LARP1: variants seen among roughly 807,000 people sequenced by gnomAD.
LARP1 encodes the protein la-related protein 1.
A neutral mutation model predicts 122.7 loss-of-function variants in LARP1; 36 were observed. The observed-to-expected ratio is 0.29, with a 90% CI of 0.22 to 0.39. The LOEUF (loss-of-function observed/expected upper bound fraction) is 0.39. Among genes scored for constraint, LARP1 ranks in the 10% least tolerant of loss-of-function variants. LARP1 has a pLI of 1.00. For missense variants in LARP1, 1,040 were observed against 1,403.6 expected (o/e 0.74, Z 4.14); for synonymous variants, 539 against 528.7 (o/e 1.02, Z -0.27).
chr5:154,790,758 A>G, intron 3 of LARP1, 48 bp downstream of exon 3: 1 of 1,523,200 alleles, frequency 6.6e-7, no homozygotes, highest in East Asian at 2.2e-5. Flanking sequence ...CTTGACATAC[A>G]CACATTTAGC....
At chr5:154,769,238 C>T (rs1409584691) in intron 1 of LARP1, among the ~76,000 whole-genome samples, 1 of 152,248 alleles carries the variant, frequency 6.6e-6, no homozygotes, top group Admixed American at 6.5e-5. Context: ...CTCTGGACCT[C>T]TCATGACTGC....
chr5:154,801,787 A>G (rs895408160), intron 10 of LARP1, among the ~76,000 whole-genome samples: 2 of 152,228 alleles, frequency 1.3e-5, no homozygotes, highest in African/African-American at 4.8e-5. Context: ...TGACTGTGAT[A>G]TGAGCTGTGA....
chr5:154,720,060 A>G (rs1457878437), intron 1 of LARP1, among the ~76,000 whole-genome samples: 1 of 151,942 alleles, frequency 6.6e-6, no homozygotes, highest in Non-Finnish European at 1.5e-5. Context: ...GCGTGATGGC[A>G]TGTGCCTGTA....
chr5:154,776,496 T>G (rs985577423), intron 1 of LARP1, among the ~76,000 whole-genome samples: 1 of 152,208 alleles, frequency 6.6e-6, no homozygotes, highest in African/African-American at 2.4e-5. Context: ...TGTAAACCAA[T>G]TAAGTCCTGT....
chr5:154,766,464 G>T (rs1396881437), intron 1 of LARP1, among the ~76,000 whole-genome samples: 1 of 152,220 alleles, frequency 6.6e-6, no homozygotes, highest in Non-Finnish European at 1.5e-5. Flanking sequence ...GTAGAGAGTG[G>T]CCGAGGTTTA....
chr5:154,792,418 G>T (rs1305980208), intron 3 of LARP1, among the ~76,000 whole-genome samples: 1 of 152,212 alleles, frequency 6.6e-6, no homozygotes, highest in African/African-American at 2.4e-5. Context: ...GGAGAGATAA[G>T]TTGCCTTCCC....
intron 1 of LARP1, among the ~76,000 whole-genome samples, chr5:154,693,373 A>G (rs1385041035): frequency 1.3e-5 from 2 of 152,158 alleles, no homozygotes; most frequent in East Asian, 3.9e-4. Context: ...TCTAAAGACA[A>G]AAAAAGAATA....
intron 1 of LARP1, among the ~76,000 whole-genome samples, chr5:154,700,828 G>A (rs1048924846): frequency 6.6e-6 from 1 of 152,056 alleles, no homozygotes; most frequent in Non-Finnish European, 1.5e-5. Context: ...GTGGTGGCAC[G>A]TGCCTGTAAT....
At chr5:154,706,322 T>TAA (rs1198921293) in intron 1 of LARP1, among the ~76,000 whole-genome samples, 44 of 149,262 alleles carry the variant, frequency 2.9e-4, no homozygotes, top group African/African-American at 1.0e-3. Context: ...ATAATAATAA[T>TAA]AATAATAATA....
chr5:154,754,792 G>C (rs559299619), upstream of LARP1, among the ~76,000 whole-genome samples: 8 of 152,188 alleles, frequency 5.3e-5, no homozygotes, highest in Non-Finnish European at 5.9e-5. Context: ...GGTCACCCGG[G>C]CGGGGACCGA....
At chr5:154,722,763 A>T (rs1017072423) in intron 1 of LARP1, among the ~76,000 whole-genome samples, 3 of 147,382 alleles carry the variant, frequency 2.0e-5, no homozygotes, top group Non-Finnish European at 4.4e-5. Context: ...TCACTGCAAC[A>T]TCTGCCTCCC....
intron 10 of LARP1, among the ~76,000 whole-genome samples, chr5:154,801,056 T>C (rs953744702): frequency 6.6e-6 from 1 of 152,202 alleles, no homozygotes; most frequent in African/African-American, 2.4e-5. Flanking sequence ...ACCTGGTCTA[T>C]CTTAAACCTT....
chr5:154,752,588 A>C (rs1753558034), upstream of LARP1, among the ~76,000 whole-genome samples: 3 of 152,120 alleles, frequency 2.0e-5, no homozygotes, highest in African/African-American at 2.4e-5. Flanking sequence ...CTGCAAAACA[A>C]GGAGAATGAG....
intron 1 of LARP1, among the ~76,000 whole-genome samples, chr5:154,747,357 C>T (rs1284028024): frequency 6.6e-6 from 1 of 151,622 alleles, no homozygotes; most frequent in Non-Finnish European, 1.5e-5. Flanking sequence ...CACCTGAGGT[C>T]AGGAGTTCGA....
In LARP1 at chr5:154,802,145, C is replaced by T. The variant is rs958413075; in HGVS notation, c.1855C>T (p.Arg619Trp). Reference protein sequence around the residue: ...FDEEMEQMDGRKNTFTAWSDE... With the variant: ...FDEEMEQMDGWKNTFTAWSDE... ...CGAGGAGATGGAGCAGATGGATGGG[C>T]GGAAGAACACCTTCACTGCCTGGTC... The change falls in exon 11 of 19, where the codon CGG becomes TGG. Residue 619 changes from arginine (R) to tryptophan (W), a missense_variant. Around this residue, in one of 8 missense-constraint regions of LARP1, gnomAD observed 362 missense variants for 533.1 expected, o/e 0.68. Coordinates refer to ENST00000518297, the MANE Select transcript of LARP1 (RefSeq NM_033551.3). This position sits in a 1 kb window ranked among gnomAD's most constrained non-coding sequence, Gnocchi z 5.1. 7.4e-6 allele frequency: 12 copies of T among 1,614,126 alleles called. No homozygotes were observed. Among genetic ancestry groups the T allele is most frequent in the Non-Finnish European group, 8.5e-6 (10 of 1,180,018 alleles).
intron 1 of LARP1, among the ~76,000 whole-genome samples, chr5:154,721,761 A>G (rs1469265195): frequency 6.6e-6 from 1 of 152,212 alleles, no homozygotes; most frequent in Non-Finnish European, 1.5e-5. Flanking sequence ...GAACCAATCC[A>G]GAGAAGGCTG....
At chr5:154,756,874 G>C (rs956192945) in intron 1 of LARP1, among the ~76,000 whole-genome samples, 1 of 151,988 alleles carries the variant, frequency 6.6e-6, no homozygotes, top group East Asian at 1.9e-4. Context: ...CCGATGGCGA[G>C]TGTGCTGGGG....
chr5:154,795,135 A>G, intron 7 of LARP1, 40 bp from the exon 8 acceptor site: 3 of 1,604,050 alleles, frequency 1.9e-6, no homozygotes, highest in Non-Finnish European at 2.6e-6. Flanking sequence ...AAACTGATGC[A>G]CCAATCCCTC....
chr5:154,792,923 T>C, intron 4 of LARP1, 127 bp downstream of exon 4: 1 of 820,740 alleles, frequency 1.2e-6, no homozygotes, highest in Non-Finnish European at 1.9e-6. Context: ...AACTGATGGA[T>C]GTAGGCTGGT....
Sources: gnomAD v4.1 joint callset for allele counts (sites outside exome capture counted in the v4.1 genomes callset) on GRCh38, gnomAD v4.1.1 for gene constraint, gnomAD v4.1.1 regional missense constraint, Gnocchi (gnomAD v3.1) non-coding constraint, MANE v1.5 for transcripts, NCBI Gene and HGNC (gene_info 2026-07-23, HGNC 2026-07-21) for gene names.